Variants in MLLT3 observed in about 807,000 individuals in gnomAD.
The protein encoded by MLLT3 is MLLT3 super elongation complex subunit.
Under a neutral mutation model 53.2 loss-of-function variants are expected in MLLT3, and 4 were observed. The observed-to-expected ratio is 0.08, with a 90% CI of 0.04 to 0.17. The LOEUF (loss-of-function observed/expected upper bound fraction) is 0.17, where lower values mean the gene tolerates loss of function less well. Ranked by LOEUF, MLLT3 falls within the 10% of genes least tolerant of loss-of-function variation. The pLI is 1.00. For missense variants in MLLT3, 569 were observed against 684.0 expected, an observed-to-expected ratio of 0.83 and a Z score of 1.87; for synonymous variants, 283 against 230.6, an observed-to-expected ratio of 1.23 and a Z score of -2.06.
At chr9:20,422,165 A>C (rs1320725782) in intron 4 of MLLT3, among the ~76,000 whole-genome samples, 1 of 152,204 alleles carries the variant, frequency 6.6e-6, no homozygotes, top group African/African-American at 2.4e-5. Flanking sequence ...TCTTTCGTTC[A>C]AAACAATATA....
chr9:20,359,551 C>T (rs1224051416), intron 8 of MLLT3, among the ~76,000 whole-genome samples: 1 of 152,240 alleles, frequency 6.6e-6, no homozygotes, highest in African/African-American at 2.4e-5. Flanking sequence ...GTACTGGTAT[C>T]ATTCCTACTT....
intron 4 of MLLT3, among the ~76,000 whole-genome samples, chr9:20,444,491 T>C (rs951430431): frequency 2.6e-5 from 4 of 152,114 alleles, no homozygotes; most frequent in African/African-American, 4.8e-5. Flanking sequence ...CAAAAATTTA[T>C]ATAATAAATA....
At chr9:20,422,316 C>G (rs1823029918) in intron 4 of MLLT3, among the ~76,000 whole-genome samples, 1 of 152,208 alleles carries the variant, frequency 6.6e-6, no homozygotes, top group Non-Finnish European at 1.5e-5. Context: ...AGGTGACATT[C>G]AACCAGAAAG....
At chr9:20,489,984 C>T (rs939308447) in intron 2 of MLLT3, among the ~76,000 whole-genome samples, 15 of 152,118 alleles carry the variant, frequency 9.9e-5, no homozygotes, top group Non-Finnish European at 1.9e-4. Context: ...CAAATAAATA[C>T]ATGGCAAACT....
chr9:20,457,067 T>C (rs911334414), intron 2 of MLLT3, among the ~76,000 whole-genome samples: 1 of 152,094 alleles, frequency 6.6e-6, no homozygotes, highest in African/African-American at 2.4e-5. Context: ...GAACTTCACT[T>C]GTTATTACCC....
At chr9:20,614,693 A>G (rs141180994) in intron 2 of MLLT3, among the ~76,000 whole-genome samples, 83 of 152,312 alleles carry the variant, frequency 5.4e-4, no homozygotes, top group African/African-American at 1.9e-3. Flanking sequence ...TCTTCATAAA[A>G]GCTACACCAC....
At chr9:20,406,006 G>A (rs890919640) in intron 5 of MLLT3, among the ~76,000 whole-genome samples, 1 of 152,244 alleles carries the variant, frequency 6.6e-6, no homozygotes, top group African/African-American at 2.4e-5. Context: ...CAGCTTCTCG[G>A]GAGGCTGAGG....
chr9:20,620,808 C>G lies in MLLT3; in HGVS notation c.39G>C (p.Leu13=). The part of the protein sequence containing the change: ...SSCAVQVKLE[L]GHRAQVRKKP... ...TTTTCCTCACCTGGGCGCGGTGCCC[C>G]AGCTCCAGCTTCACCTGCACGGCAC... is the stretch of plus-strand genomic sequence containing the variant. The change falls in exon 2 of 11, where the codon CTG becomes CTC. Residue 13 remains leucine, a synonymous_variant. Coordinates refer to ENST00000380338, the MANE Select transcript of MLLT3 (RefSeq NM_004529.4). The surrounding 1 kb of genome is among the most constrained non-coding windows in gnomAD (Gnocchi z 6.1). 6.2e-7 allele frequency: 1 copy of G among 1,614,064 alleles called. No individual in the cohort carries two copies. Among genetic ancestry groups the G allele is most frequent in the Non-Finnish European group, 8.5e-7 (1 of 1,179,996 alleles).
intron 2 of MLLT3, among the ~76,000 whole-genome samples, chr9:20,483,901 T>A (rs376873059): frequency 1.3e-5 from 2 of 150,966 alleles, no homozygotes; most frequent in Non-Finnish European, 1.5e-5. Context: ...TTAGTAGAGA[T>A]GGGGTTTCAC....
rs1031452176 is a variant in MLLT3, at chr9:20,414,043, T to C, written c.803A>G (p.Asn268Ser). The C allele has an allele frequency of 4.3e-6, 7 of 1,614,172 alleles. No individual in the cohort carries two copies. Among genetic ancestry groups the C allele is most frequent in the Non-Finnish European group, 5.9e-6 (7 of 1,180,018 alleles). The change falls in exon 5 of 11, where the codon AAC becomes AGC. Residue 268 changes from asparagine (N) to serine (S), a missense_variant. By Grantham distance (46) the Asn-to-Ser change is conservative. Transcript: ENST00000380338. ...TTGTCCACTGGTGATGGTGAGTAAG[T>C]TACTATCTGGTTTTGGCTCTTTTGA... ...PMSKEPKPDSNLLTITSGQDK... is the reference protein window; with the variant it reads ...PMSKEPKPDSSLLTITSGQDK...
At chr9:20,507,433 T>C (rs774980571) in intron 2 of MLLT3, among the ~76,000 whole-genome samples, 1 of 152,150 alleles carries the variant, frequency 6.6e-6, no homozygotes, top group Non-Finnish European at 1.5e-5. Context: ...TTTTTTAAAA[T>C]GAGAATGTTA....
At chr9:20,425,054 C>T (rs142252904) in intron 4 of MLLT3, among the ~76,000 whole-genome samples, 4 of 152,218 alleles carry the variant, frequency 2.6e-5, no homozygotes, top group Non-Finnish European at 5.9e-5. Context: ...ACCCTTACAA[C>T]GTAAGTGTCT....
chr9:20,562,375 AAAG>A (rs1819239546), intron 2 of MLLT3, among the ~76,000 whole-genome samples: 1 of 152,148 alleles, frequency 6.6e-6, no homozygotes, highest in African/African-American at 2.4e-5. Flanking sequence ...ACCAAAAAAA[AAAG>A]TTTAGAAATA....
chr9:20,557,818 G>A (rs556181829), intron 2 of MLLT3, among the ~76,000 whole-genome samples: 14 of 152,274 alleles, frequency 9.2e-5, no homozygotes, highest in Middle Eastern at 3.4e-3. Flanking sequence ...AAAAAGTACC[G>A]GGAGAGGGCA....
At chr9:20,533,833 A>G (rs1228180718) in intron 2 of MLLT3, among the ~76,000 whole-genome samples, 1 of 152,238 alleles carries the variant, frequency 6.6e-6, no homozygotes, top group East Asian at 1.9e-4. Context: ...CACAGGTAGA[A>G]CCTAAAAACG....
intron 2 of MLLT3, among the ~76,000 whole-genome samples, chr9:20,543,434 A>G (rs1818695221): frequency 1.3e-5 from 2 of 152,354 alleles, no homozygotes; most frequent in Non-Finnish European, 2.9e-5. Flanking sequence ...AACAGTTACA[A>G]TAGTATCTTC....
At position 20,615,380 on chromosome 9, in the gene MLLT3, A is replaced by C. The variant is rs199746273; in HGVS notation, c.193+5274T>G. Among the ~76,000 whole-genome samples the C allele has an allele frequency of 8.3e-3, 1,239 of 148,960 alleles. 50 individuals are homozygous for C. In the East Asian group the frequency reaches 0.11, roughly 13 times the overall value. On this transcript the variant is annotated intron_variant, in intron 2 of 10. Transcript: ENST00000380338. The stretch of plus-strand genomic sequence containing the variant: ...CATGTGAAAAAAAAAAAAAAAAAAA[A>C]AAAAAAAAAAAAAAAAGAATGGATA...
intron 2 of MLLT3, among the ~76,000 whole-genome samples, chr9:20,536,124 G>A (rs1203594631): frequency 6.6e-6 from 1 of 152,062 alleles, no homozygotes; most frequent in Admixed American, 6.6e-5. Flanking sequence ...AGAAATCTAT[G>A]CTTTGTCATT....
chr9:20,363,453 C>T (rs1821374274), intron 7 of MLLT3, 23 bp downstream of exon 7: 1 of 1,612,788 alleles, frequency 6.2e-7, no homozygotes, highest in African/African-American at 1.3e-5. Context: ...CACAGGCAAC[C>T]CCTTTCCTTC....
Sources: allele counts gnomAD v4.1 joint callset (sites outside exome capture counted in the v4.1 genomes callset), GRCh38; gene constraint gnomAD v4.1.1; non-coding constraint Gnocchi (gnomAD v3.1); transcripts MANE v1.5; gene names NCBI Gene and HGNC (gene_info 2026-07-23, HGNC 2026-07-21).